Variants in CCDC171 observed in about 807,000 individuals in gnomAD.
CCDC171 encodes coiled-coil domain containing 171, also known as coiled-coil domain-containing protein 171.
A neutral mutation model predicts 168.2 loss-of-function variants in CCDC171; 177 were observed. That is an observed-to-expected ratio of 1.05 (90% CI 0.93 to 1.19). The LOEUF (loss-of-function observed/expected upper bound fraction) is 1.19, where lower values mean the gene tolerates loss of function less well. Ranked by LOEUF, CCDC171 falls within the 50% of genes most tolerant of loss-of-function variation. CCDC171 has a pLI of 0.00. For synonymous variants in CCDC171, 687 were observed against 540.8 expected, an observed-to-expected ratio of 1.27 and a Z score of -3.75; for missense variants, 1,991 against 1,539.0, an observed-to-expected ratio of 1.29 and a Z score of -4.91.
At chr9:16,092,560 A>C in the CCDC171 span, among the ~76,000 whole-genome samples, 3 of 152,150 alleles carry the variant, frequency 2.0e-5, no homozygotes, top group Admixed American at 6.5e-5. Context: ...GTTCTTTGCT[A>C]TATGTCATAG....
intron 7 of CCDC171, 107 bp from the exon 8 acceptor site, chr9:15,657,020 C>G (rs1039370668): frequency 6.2e-6 from 3 of 480,342 alleles, no homozygotes; most frequent in Non-Finnish European, 1.1e-5. Flanking sequence ...AAAAATGAGG[C>G]TGCAAGTCCA....
chr9:15,671,779 T>C (rs1013886792), intron 9 of CCDC171, among the ~76,000 whole-genome samples: 1 of 152,202 alleles, frequency 6.6e-6, no homozygotes, highest in African/African-American at 2.4e-5. Flanking sequence ...TTGAGTTGGT[T>C]CCAAGTCTTT....
intron 24 of CCDC171, among the ~76,000 whole-genome samples, chr9:15,897,822 TAAAC>T (rs1251210427): frequency 6.6e-6 from 1 of 152,072 alleles, no homozygotes; most frequent in East Asian, 1.9e-4. Flanking sequence ...GAGAAACAAA[TAAAC>T]AAACATCAAC....
chr9:16,030,966 A>G (rs1380358290), intron 6 of CCDC171, among the ~76,000 whole-genome samples: 2 of 152,206 alleles, frequency 1.3e-5, no homozygotes, highest in Non-Finnish European at 2.9e-5. Context: ...TTCAGCGTTC[A>G]GGGGCACAAG....
At chr9:16,099,691 G>C in the CCDC171 span, among the ~76,000 whole-genome samples, 1 of 152,118 alleles carries the variant, frequency 6.6e-6, no homozygotes, top group Non-Finnish European at 1.5e-5. Context: ...GCTTCTGGTG[G>C]GTGACCACAG....
intron 23 of CCDC171, among the ~76,000 whole-genome samples, chr9:15,869,316 C>T (rs575208957): frequency 6.6e-6 from 1 of 151,938 alleles, no homozygotes; most frequent in African/African-American, 2.4e-5. Flanking sequence ...TTAGATGTAA[C>T]CATCCTATCC....
At chr9:16,051,559 C>T (rs991402305) in intron 1 of CCDC171, among the ~76,000 whole-genome samples, 2 of 152,152 alleles carry the variant, frequency 1.3e-5, no homozygotes, top group African/African-American at 4.8e-5. Context: ...GAGGTACGAC[C>T]CATCCTTTGT....
intron 23 of CCDC171, among the ~76,000 whole-genome samples, chr9:15,853,868 G>A (rs567189203): frequency 2.0e-5 from 3 of 151,534 alleles, no homozygotes; most frequent in African/African-American, 4.8e-5. Flanking sequence ...GTTGTGCCTC[G>A]CCTCCTTCAT....
At chr9:15,929,425 A>C (rs953555388) in intron 25 of CCDC171, among the ~76,000 whole-genome samples, 74 of 151,632 alleles carry the variant, frequency 4.9e-4, no homozygotes, top group African/African-American at 1.8e-3. Context: ...GAGGTCCCAA[A>C]CTGAACACTT....
chr9:15,953,763 T>C (rs2132516245), intron 25 of CCDC171, among the ~76,000 whole-genome samples: 1 of 152,286 alleles, frequency 6.6e-6, no homozygotes, highest in East Asian at 1.9e-4. Flanking sequence ...TAATTCTTCT[T>C]TAAATGTTTG....
chr9:15,750,795 G>C (rs2055679116), intron 18 of CCDC171, among the ~76,000 whole-genome samples: 1 of 152,044 alleles, frequency 6.6e-6, no homozygotes, highest in Non-Finnish European at 1.5e-5. Context: ...AATAAGAGCT[G>C]TTTATGACAA....
At chr9:15,556,359 G>A (rs2038797560) in intron 1 of CCDC171, among the ~76,000 whole-genome samples, 2 of 152,118 alleles carry the variant, frequency 1.3e-5, no homozygotes, top group South Asian at 4.1e-4. Flanking sequence ...CCCACCAACG[G>A]TGTAAAAGTG....
intron 18 of CCDC171, among the ~76,000 whole-genome samples, chr9:15,760,874 T>C (rs1018671444): frequency 2.0e-5 from 3 of 152,142 alleles, no homozygotes; most frequent in Non-Finnish European, 4.4e-5. Context: ...TTATAGTGTT[T>C]GCCCACTTGA....
intron 4 of CCDC171, among the ~76,000 whole-genome samples, chr9:16,021,180 G>A (rs571051272): frequency 3.3e-5 from 5 of 152,200 alleles, no homozygotes; most frequent in African/African-American, 9.6e-5. Context: ...CTCCGCCTCC[G>A]GGGTTCAGGT....
chr9:16,105,418 A>C, the CCDC171 span, among the ~76,000 whole-genome samples: 1 of 150,860 alleles, frequency 6.6e-6, no homozygotes, highest in African/African-American at 2.5e-5. Context: ...TGGCCTGACA[A>C]ACTTTGGAGA....
chr9:15,575,098 A>T (rs1463801899), intron 3 of CCDC171, among the ~76,000 whole-genome samples: 1 of 151,988 alleles, frequency 6.6e-6, no homozygotes, highest in African/African-American at 2.4e-5. Flanking sequence ...TAGTGATAAC[A>T]GAGCAAGAAA....
chr9:15,985,289 T>G (rs969826910), intron 3 of CCDC171, among the ~76,000 whole-genome samples: 4 of 152,280 alleles, frequency 2.6e-5, no homozygotes, highest in Non-Finnish European at 5.9e-5. Flanking sequence ...AAATTCCTTT[T>G]CTTCCTAAGG....
intron 25 of CCDC171, among the ~76,000 whole-genome samples, chr9:15,933,352 CAATT>C (rs2132173622): frequency 1.3e-5 from 2 of 151,868 alleles, no homozygotes; most frequent in South Asian, 4.1e-4. Flanking sequence ...TCTGTGGTAT[CAATT>C]GTGATGTCTT....
At chr9:15,651,725 A>G (rs1485287481) in intron 7 of CCDC171, among the ~76,000 whole-genome samples, 1 of 152,146 alleles carries the variant, frequency 6.6e-6, no homozygotes, top group Non-Finnish European at 1.5e-5. Context: ...TTGTGTATAT[A>G]TAACCCACTT....
Sources: allele counts gnomAD v4.1 joint callset (sites outside exome capture counted in the v4.1 genomes callset), GRCh38; gene constraint gnomAD v4.1.1; transcripts MANE v1.5; gene names NCBI Gene and HGNC (gene_info 2026-07-23, HGNC 2026-07-21).